The following CHRM3 variants were observed in gnomAD, a reference collection of about 807,000 sequenced individuals.
CHRM3 encodes the protein muscarinic acetylcholine receptor M3.
A neutral mutation model predicts 41.8 loss-of-function variants in CHRM3; 11 were observed. The observed-to-expected ratio is 0.26, with a 90% CI of 0.17 to 0.44. CHRM3 has a LOEUF of 0.44. CHRM3 is among the 20% of genes least tolerant of loss of function. The pLI, the probability that CHRM3 is intolerant of heterozygous loss-of-function variation, is 1.00. For missense variants in CHRM3, 571 were observed against 745.4 expected, an observed-to-expected ratio of 0.77 and a Z score of 2.72; for synonymous variants, 297 against 301.4, an observed-to-expected ratio of 0.99 and a Z score of 0.15.
At chr1:239,815,350 C>A (rs2149008782) in intron 5 of CHRM3, among the ~76,000 whole-genome samples, 1 of 152,244 alleles carries the variant, frequency 6.6e-6, no homozygotes, top group South Asian at 2.1e-4. Context: ...AAACTCTCAT[C>A]CTTTTGTCTT....
At position 239,416,144 on chromosome 1, in the gene CHRM3, G is replaced by C. The variant is rs766001020; in HGVS notation, c.-521+28917G>C. 3.3e-5 allele frequency among the ~76,000 whole-genome samples: 5 copies of C among 152,164 alleles called. No homozygotes were observed. In the South Asian group the frequency reaches 1.0e-3, roughly 31 times the overall value. On this transcript the variant is annotated intron_variant, in intron 1 of 6. Transcript: ENST00000676153. ...AAAGAAATAAAATCTTAGAGACCAT[G>C]CTTCATAAGATTTTCCAGTGGTCAT...
chr1:239,715,333 C>T (rs1324179803), intron 5 of CHRM3, among the ~76,000 whole-genome samples: 1 of 152,028 alleles, frequency 6.6e-6, no homozygotes, highest in East Asian at 1.9e-4. Flanking sequence ...GAATTTTTGT[C>T]AATGATTTTA....
intron 1 of CHRM3, among the ~76,000 whole-genome samples, chr1:239,421,428 G>C (rs1379636480): frequency 2.0e-5 from 3 of 152,154 alleles, no homozygotes; most frequent in Non-Finnish European, 2.9e-5. Flanking sequence ...TTGGAAGTAT[G>C]AATGTGGCTT....
intron 1 of CHRM3, among the ~76,000 whole-genome samples, chr1:239,458,037 C>T (rs1665082706): frequency 6.6e-6 from 1 of 151,224 alleles, no homozygotes; most frequent in Non-Finnish European, 1.5e-5. Flanking sequence ...TGCCACAGGC[C>T]ACAGTGATAG....
At chr1:239,388,582 G>A (rs1402996219) in intron 1 of CHRM3, among the ~76,000 whole-genome samples, 1 of 152,134 alleles carries the variant, frequency 6.6e-6, no homozygotes, top group Admixed American at 6.5e-5. Context: ...TGAACATATA[G>A]TTCAGAAAGG....
At chr1:239,822,061 A>G (rs1027988981) in intron 5 of CHRM3, among the ~76,000 whole-genome samples, 19 of 152,130 alleles carry the variant, frequency 1.2e-4, no homozygotes, top group African/African-American at 4.3e-4. Flanking sequence ...AGTCAATTAA[A>G]CCTCTTTCCT....
At chr1:239,519,378 G>A (rs1436586729) in intron 2 of CHRM3, among the ~76,000 whole-genome samples, 2 of 152,132 alleles carry the variant, frequency 1.3e-5, no homozygotes, top group East Asian at 1.9e-4. Flanking sequence ...TTTATGAGAC[G>A]TACCAAATAT....
intron 4 of CHRM3, among the ~76,000 whole-genome samples, chr1:239,668,073 CT>C (rs1326624619): frequency 2.1e-5 from 2 of 94,028 alleles, no homozygotes; most frequent in Admixed American, 9.8e-5. Flanking sequence ...TTTTTCTTTT[CT>C]TTTTTTTCCC....
At chr1:239,445,936 T>A (rs1664093700) in intron 1 of CHRM3, among the ~76,000 whole-genome samples, 1 of 146,300 alleles carries the variant, frequency 6.8e-6, no homozygotes, top group African/African-American at 2.5e-5. Context: ...TCTTGAATGG[T>A]GTGCACTTTT....
chr1:239,702,497 C>T (rs927674017), intron 5 of CHRM3, among the ~76,000 whole-genome samples: 6 of 152,204 alleles, frequency 3.9e-5, no homozygotes, highest in African/African-American at 1.4e-4. Flanking sequence ...GCATTGTCTT[C>T]TTCCCTTCCC....
intron 5 of CHRM3, among the ~76,000 whole-genome samples, chr1:239,770,385 A>G (rs1185338748): frequency 1.3e-5 from 2 of 152,230 alleles, no homozygotes; most frequent in Non-Finnish European, 2.9e-5. Flanking sequence ...AACAACAAAA[A>G]AATGGTCAAG....
At chr1:239,716,787 C>T (rs576079318) in intron 5 of CHRM3, among the ~76,000 whole-genome samples, 18 of 152,084 alleles carry the variant, frequency 1.2e-4, no homozygotes, top group African/African-American at 3.4e-4. Context: ...GGGGCCCAAA[C>T]GTAGCTCAAG....
At chr1:239,823,909 G>C (rs923065904) in intron 5 of CHRM3, among the ~76,000 whole-genome samples, 1 of 152,144 alleles carries the variant, frequency 6.6e-6, no homozygotes, top group African/African-American at 2.4e-5. Flanking sequence ...AACTATAACT[G>C]TGTAATTGTG....
intron 3 of CHRM3, among the ~76,000 whole-genome samples, chr1:239,630,903 G>A (rs1314932271): frequency 1.3e-5 from 2 of 151,974 alleles, no homozygotes; most frequent in Non-Finnish European, 2.9e-5. Context: ...GCCGGGGGAG[G>A]GCAGCAGTGG....
intron 6 of CHRM3, among the ~76,000 whole-genome samples, chr1:239,838,097 G>A (rs1187490836): frequency 6.6e-6 from 1 of 152,158 alleles, no homozygotes; most frequent in Non-Finnish European, 1.5e-5. Flanking sequence ...TAAAGGCCAG[G>A]ACATGTAAAA....
At chr1:239,818,339 C>A (rs564933102) in intron 5 of CHRM3, among the ~76,000 whole-genome samples, 1 of 152,330 alleles carries the variant, frequency 6.6e-6, no homozygotes, top group South Asian at 2.1e-4. Flanking sequence ...AATTTGGCCA[C>A]ATGAGGGATT....
Position 239,631,010 on chromosome 1 carries a change from T to C in CHRM3, c.-312-1214T>C, listed in dbSNP as rs2148867400. 1.3e-5 allele frequency among the ~76,000 whole-genome samples: 2 copies of C among 151,924 alleles called. 1 individual carries two copies. The highest frequency in any genetic ancestry group is 4.2e-4 in the South Asian group (2 of 4,790). ...GGGAGAGGATCCCGTGATTGACAGT[T>C]CCAACATGGCAAGCAATAGCAGAGG... On this transcript the variant is annotated intron_variant, in intron 3 of 6. Transcript: ENST00000676153.
At chr1:239,622,132 T>A (rs1442461311) in intron 3 of CHRM3, among the ~76,000 whole-genome samples, 1 of 152,174 alleles carries the variant, frequency 6.6e-6, no homozygotes, top group Non-Finnish European at 1.5e-5. Context: ...ATACTGAATA[T>A]TTTAAGCCTA....
intron 6 of CHRM3, among the ~76,000 whole-genome samples, chr1:239,869,018 G>A (rs1676352367): frequency 6.6e-6 from 1 of 152,166 alleles, no homozygotes; most frequent in African/African-American, 2.4e-5. Flanking sequence ...TACTGGGAGT[G>A]TACTCTTAGG....
Sources: allele counts gnomAD v4.1 joint callset (sites outside exome capture counted in the v4.1 genomes callset), GRCh38; gene constraint gnomAD v4.1.1; transcripts MANE v1.5; gene names NCBI Gene and HGNC (gene_info 2026-07-23, HGNC 2026-07-21).